The following KDM7A variants were observed in gnomAD, a reference collection of about 807,000 sequenced individuals.
KDM7A encodes lysine-specific demethylase 7A.
A neutral mutation model predicts 114.8 loss-of-function variants in KDM7A; 28 were observed. The observed-to-expected ratio is 0.24, with a 90% CI of 0.18 to 0.33. The LOEUF is 0.33. Among genes scored for constraint, KDM7A ranks in the 10% least tolerant of loss-of-function variants. KDM7A has a pLI of 1.00. For synonymous variants in KDM7A, 423 were observed against 397.8 expected (o/e 1.06, Z -0.75); for missense variants, 942 against 1,142.5 (o/e 0.82, Z 2.53).
At chr7:140,148,677 C>T (rs1350430093) in intron 1 of KDM7A, among the ~76,000 whole-genome samples, 1 of 152,112 alleles carries the variant, frequency 6.6e-6, no homozygotes, top group Non-Finnish European at 1.5e-5. Flanking sequence ...TGAGACAGAT[C>T]ACTTTATTAC....
intron 6 of KDM7A, among the ~76,000 whole-genome samples, chr7:140,125,095 A>C (rs116292161): frequency 3.3e-5 from 5 of 152,316 alleles, no homozygotes; most frequent in Admixed American, 2.0e-4. Flanking sequence ...AGAGAAGTAA[A>C]TATGTGTTGA....
intron 2 of KDM7A, among the ~76,000 whole-genome samples, chr7:140,134,706 T>C (rs1197296720): frequency 6.6e-6 from 1 of 152,144 alleles, no homozygotes; most frequent in Non-Finnish European, 1.5e-5. Flanking sequence ...AGATATGTGT[T>C]AGAGCATGTA....
At chr7:140,124,060 ACT>A (rs1818658679) in intron 7 of KDM7A, among the ~76,000 whole-genome samples, 1 of 134,336 alleles carries the variant, frequency 7.4e-6, no homozygotes, top group Admixed American at 7.5e-5. Flanking sequence ...ACAGAGCAAG[ACT>A]CTGTCTCAAA....
intron 7 of KDM7A, among the ~76,000 whole-genome samples, chr7:140,124,009 G>A (rs528677560): frequency 6.0e-4 from 90 of 151,224 alleles, no homozygotes; most frequent in Middle Eastern, 6.8e-3. Context: ...TGGGGAGCTT[G>A]CAGTGAGCCG....
In KDM7A at chr7:140,098,925, T is replaced by C. The variant is rs1388342881; in HGVS notation, c.1872A>G (p.Ser624=). 3.1e-6 allele frequency: 5 copies of C among 1,613,738 alleles called. No individual in the cohort carries two copies. Among genetic ancestry groups the C allele is most frequent in the South Asian group, 1.1e-5 (1 of 91,070 alleles). The stretch of plus-strand genomic sequence containing the variant: ...CTTCATGTTCCACTCCCTCTACTCC[T>C]GAACTCTCTTCTATCTTCATTTTTG... ...KKAKMKIEES[S]GVEGVEHEES... The change falls in exon 14 of 20, where the codon TCA becomes TCG. Residue 624 remains serine (S), a synonymous_variant. Coordinates refer to ENST00000397560, the MANE Select transcript of KDM7A (RefSeq NM_030647.2).
chr7:140,175,221 T>G (rs763099358), intron 1 of KDM7A, among the ~76,000 whole-genome samples: 2 of 152,234 alleles, frequency 1.3e-5, no homozygotes, highest in Non-Finnish European at 2.9e-5. Context: ...TAAGTAAAAC[T>G]GTACTTGAAA....
At chr7:140,143,545 C>G (rs1794309101) in intron 1 of KDM7A, among the ~76,000 whole-genome samples, 1 of 152,140 alleles carries the variant, frequency 6.6e-6, no homozygotes, top group African/African-American at 2.4e-5. Context: ...TAAAATTCTA[C>G]CCACAACCAT....
chr7:140,103,703 T>G (rs895204480), intron 11 of KDM7A, among the ~76,000 whole-genome samples: 3 of 152,220 alleles, frequency 2.0e-5, no homozygotes, highest in African/African-American at 7.2e-5. Context: ...CTTAATCCAG[T>G]CTATCATTGA....
chr7:140,143,931 A>T (rs1382854416), intron 1 of KDM7A, among the ~76,000 whole-genome samples: 2 of 152,194 alleles, frequency 1.3e-5, no homozygotes, highest in African/African-American at 4.8e-5. Context: ...TTAAAAACTT[A>T]TTTTTTAACT....
Position 140,096,586 on chromosome 7 carries a change from C to T in KDM7A, c.2343G>A (p.Gln781=). Residue 781 remains glutamine (Q), a synonymous_variant, in exon 17 of 20, where the codon CAG becomes CAA. Transcript: ENST00000397560. ...SCHGSNHEVR[Q]LYRYDKPVEC... Reference sequence around the variant, plus strand: ...CCACTGGTTTATCATAGCGATACAACTGCCTAACCTCATGGTTACTGCCAT... The same window carrying T: ...CCACTGGTTTATCATAGCGATACAATTGCCTAACCTCATGGTTACTGCCAT... The T allele has an allele frequency of 6.2e-7, 1 of 1,614,148 alleles. No homozygotes were observed. The highest frequency in any genetic ancestry group is 8.5e-7 in the Non-Finnish European group (1 of 1,179,970).
At position 140,133,674 on chromosome 7, in the gene KDM7A, TAA is replaced by T; in HGVS notation, c.281-20_281-19del. ...TTTTTTCACTGGATTTTTAAAAGAT[TAA>T]AAAAAAATGATTTTGGTAACTGGTG... is the stretch of plus-strand genomic sequence containing the variant. On this transcript the variant is annotated intron_variant, in intron 2 of 19. Transcript: ENST00000397560. The T allele has an allele frequency of 7.2e-7, 1 of 1,381,776 alleles. No homozygotes were observed. The allele number at this position is 1,381,776 out of a possible 1,614,324, so 85.6% of individuals were successfully genotyped here. A position where few individuals can be genotyped will look rare whatever the true frequency, so the allele number is the denominator to read the frequency against.
At chr7:140,137,180 A>G (rs917836194) in intron 2 of KDM7A, among the ~76,000 whole-genome samples, 3 of 152,146 alleles carry the variant, frequency 2.0e-5, no homozygotes, top group African/African-American at 7.2e-5. Flanking sequence ...TCTGACCAGA[A>G]GATAGTCAAT....
chr7:140,100,521 C>A (rs1818182574), intron 12 of KDM7A, among the ~76,000 whole-genome samples: 1 of 151,778 alleles, frequency 6.6e-6, no homozygotes. Flanking sequence ...ATCAAAAAGA[C>A]TTCCTTTTCA....
At chr7:140,109,382 T>C (rs1182176474) in intron 11 of KDM7A, among the ~76,000 whole-genome samples, 2 of 152,242 alleles carry the variant, frequency 1.3e-5, no homozygotes, top group African/African-American at 2.4e-5. Context: ...CTGTTCTTAT[T>C]TGGCCATCTT....
intron 1 of KDM7A, among the ~76,000 whole-genome samples, chr7:140,173,938 C>A (rs574775830): frequency 6.6e-6 from 1 of 151,836 alleles, no homozygotes; most frequent in Non-Finnish European, 1.5e-5. Context: ...CCGAGGTGGG[C>A]GGATAACCTG....
chr7:140,171,569 T>TTA (rs894016570), intron 1 of KDM7A, among the ~76,000 whole-genome samples: 75 of 110,270 alleles, frequency 6.8e-4, no homozygotes, highest in South Asian at 7.6e-4. Context: ...TTTTATATAT[T>TTA]TATATATATA....
chr7:140,133,770 A>G, intron 2 of KDM7A, 114 bp from the exon 3 acceptor site: 1 of 552,676 alleles, frequency 1.8e-6, no homozygotes. Flanking sequence ...CATTAAAAAC[A>G]CTCAAGTTTT....
chr7:140,130,851 CTTT>C (rs574245274), intron 3 of KDM7A, among the ~76,000 whole-genome samples: 5 of 97,230 alleles, frequency 5.1e-5, no homozygotes, highest in African/African-American at 4.2e-5. Flanking sequence ...TTTAATAAGT[CTTT>C]TTTTTTTTTT....
intron 3 of KDM7A, among the ~76,000 whole-genome samples, chr7:140,132,259 A>G (rs1431023997): frequency 6.6e-6 from 1 of 152,226 alleles, no homozygotes; most frequent in Non-Finnish European, 1.5e-5. Context: ...ACCCTGAACT[A>G]ATGGTAATTA....
Sources: gnomAD v4.1 joint callset for allele counts (sites outside exome capture counted in the v4.1 genomes callset) on GRCh38, gnomAD v4.1.1 for gene constraint, MANE v1.5 for transcripts, NCBI Gene and HGNC (gene_info 2026-07-23, HGNC 2026-07-21) for gene names.